B3GALT1: variants seen among roughly 807,000 people sequenced by gnomAD.
The protein encoded by B3GALT1 is beta-1,3-galactosyltransferase 1, also known as UDP-Gal:betaGlcNAc beta 1,3-galactosyltransferase, polypeptide 1.
Under a neutral mutation model 23.2 loss-of-function variants are expected in B3GALT1, and 10 were observed. The observed-to-expected ratio is 0.43, with a 90% confidence interval of 0.27 to 0.73. The LOEUF is 0.73. B3GALT1 is among the 30% of genes least tolerant of loss of function. B3GALT1 has a pLI of 0.21. For missense variants in B3GALT1, 299 were observed against 405.4 expected (o/e 0.74, Z 2.25); for synonymous variants, 156 against 141.5 (o/e 1.10, Z -0.73).
At chr2:167,761,893 C>T (rs1687904196) in intron 3 of B3GALT1, among the ~76,000 whole-genome samples, 1 of 152,192 alleles carries the variant, frequency 6.6e-6, no homozygotes, top group Non-Finnish European at 1.5e-5. Context: ...TGTTAAATGT[C>T]CAAGTTCTAA....
At chr2:167,417,355 C>G (rs1021768269) in intron 1 of B3GALT1, among the ~76,000 whole-genome samples, 16 of 152,142 alleles carry the variant, frequency 1.1e-4, no homozygotes, top group African/African-American at 3.6e-4. Context: ...GATGTGATGC[C>G]TGAATCACCT....
At chr2:167,602,338 G>A (rs1286782716) in intron 2 of B3GALT1, among the ~76,000 whole-genome samples, 2 of 152,160 alleles carry the variant, frequency 1.3e-5, no homozygotes, top group East Asian at 1.9e-4. Context: ...GAGAGCTGCA[G>A]TGCCACACAA....
chr2:167,422,721 G>C (rs1307961793), intron 1 of B3GALT1, among the ~76,000 whole-genome samples: 2 of 152,182 alleles, frequency 1.3e-5, no homozygotes, highest in African/African-American at 4.8e-5. Flanking sequence ...TATGACAGCA[G>C]AGCCAAGACT....
chr2:167,550,188 TA>T (rs777867048), intron 2 of B3GALT1, among the ~76,000 whole-genome samples: 2 of 152,246 alleles, frequency 1.3e-5, no homozygotes, highest in Non-Finnish European at 2.9e-5. Context: ...GCAGATGGAA[TA>T]TGCAAGCTAA....
At chr2:167,730,444 T>G (rs1687393795) in intron 3 of B3GALT1, among the ~76,000 whole-genome samples, 1 of 152,306 alleles carries the variant, frequency 6.6e-6, no homozygotes, top group East Asian at 1.9e-4. Flanking sequence ...TGTCTAGTAC[T>G]TTACAGTTTA....
At chr2:167,694,078 G>T (rs1216383350) in intron 3 of B3GALT1, among the ~76,000 whole-genome samples, 1 of 152,010 alleles carries the variant, frequency 6.6e-6, no homozygotes, top group African/African-American at 2.4e-5. Flanking sequence ...GGTTGGCTAG[G>T]TTCTTTTTGG....
chr2:167,740,669 A>G (rs1021015709), intron 3 of B3GALT1, among the ~76,000 whole-genome samples: 3 of 152,240 alleles, frequency 2.0e-5, no homozygotes, highest in South Asian at 2.1e-4. Context: ...TAAGAAGCAG[A>G]TGAAATTCAT....
chr2:167,867,162 G>A (rs543783505), intron 4 of B3GALT1, among the ~76,000 whole-genome samples: 50 of 152,232 alleles, frequency 3.3e-4, no homozygotes, highest in Middle Eastern at 3.4e-3. Context: ...TCCTGACCTC[G>A]TGATCCGCCC....
intron 3 of B3GALT1, among the ~76,000 whole-genome samples, chr2:167,666,721 T>C (rs1345044623): frequency 1.3e-5 from 2 of 152,198 alleles, no homozygotes; most frequent in African/African-American, 4.8e-5. Flanking sequence ...TCTTTGTCTC[T>C]TTTTATCTTT....
intron 3 of B3GALT1, among the ~76,000 whole-genome samples, chr2:167,668,618 A>T (rs1686258717): frequency 6.6e-6 from 1 of 151,958 alleles, no homozygotes; most frequent in Non-Finnish European, 1.5e-5. Flanking sequence ...TGGGCTTAGG[A>T]CCCTCCAAGC....
chr2:167,674,899 C>G (rs1686395502), intron 3 of B3GALT1, among the ~76,000 whole-genome samples: 1 of 151,880 alleles, frequency 6.6e-6, no homozygotes, highest in African/African-American at 2.4e-5. Context: ...ATTTTTTCTT[C>G]AATACAAAAA....
rs80306191 is a variant in B3GALT1 at position 167,309,005 on chromosome 2, T to C, written c.-511+15671T>C. 1.7e-3 allele frequency among the ~76,000 whole-genome samples: 253 copies of C among 152,152 alleles called. 11 individuals carry two copies. In the East Asian group the frequency reaches 0.046, roughly 28 times the overall value. ...TATCGGCAACTTTACCAGTTGCAAA[T>C]GTAACATATTCAGTAATACCTGGCT... On this transcript the variant is annotated intron_variant, in intron 1 of 4. Coordinates refer to ENST00000392690, the MANE Select transcript of B3GALT1 (RefSeq NM_020981.4).
At chr2:167,759,481 G>A (rs1020297171) in intron 3 of B3GALT1, among the ~76,000 whole-genome samples, 1 of 152,218 alleles carries the variant, frequency 6.6e-6, no homozygotes, top group Non-Finnish European at 1.5e-5. Flanking sequence ...CTGGAGCACA[G>A]AGAGATCTTA....
chr2:167,863,169 T>TC (rs5836162), intron 4 of B3GALT1, among the ~76,000 whole-genome samples: 16,881 of 150,136 alleles, frequency 0.11, 1,290 homozygotes, highest in East Asian at 0.39. Context: ...GTATTCTCTC[T>TC]TTTTTTTTTC....
chr2:167,788,945 T>A (rs533881952), intron 3 of B3GALT1, among the ~76,000 whole-genome samples: 1 of 152,256 alleles, frequency 6.6e-6, no homozygotes, highest in Non-Finnish European at 1.5e-5. Flanking sequence ...CCTGTGTATA[T>A]TTTCTCCCAG....
intron 2 of B3GALT1, among the ~76,000 whole-genome samples, chr2:167,582,201 G>C (rs1214759537): frequency 2.6e-5 from 4 of 152,156 alleles, no homozygotes; most frequent in Non-Finnish European, 5.9e-5. Flanking sequence ...AATCTGGCTA[G>C]ATTCCTCTTC....
chr2:167,798,449 G>A (rs1574267708), intron 3 of B3GALT1, among the ~76,000 whole-genome samples: 1 of 152,058 alleles, frequency 6.6e-6, no homozygotes, highest in East Asian at 1.9e-4. Context: ...TCCATCTTGA[G>A]TTAATTTTTG....
At chr2:167,866,949 C>T (rs577469043) in intron 4 of B3GALT1, among the ~76,000 whole-genome samples, 16 of 151,844 alleles carry the variant, frequency 1.1e-4, no homozygotes, top group East Asian at 7.8e-4. Flanking sequence ...TTTTTTGAGA[C>T]GGAGTCTCAC....
chr2:167,688,636 A>T (rs541376877), intron 3 of B3GALT1, among the ~76,000 whole-genome samples: 9 of 152,110 alleles, frequency 5.9e-5, no homozygotes, highest in Non-Finnish European at 1.3e-4. Context: ...AAAAAAATGA[A>T]CAGAGTCTCA....
Sources: gnomAD v4.1 joint callset for allele counts (sites outside exome capture counted in the v4.1 genomes callset) on GRCh38, gnomAD v4.1.1 for gene constraint, MANE v1.5 for transcripts, NCBI Gene and HGNC (gene_info 2026-07-23, HGNC 2026-07-21) for gene names.